AP2A2: variants seen among roughly 807,000 people sequenced by gnomAD.
The protein encoded by AP2A2 is adaptor related protein complex 2 subunit alpha 2.
A neutral mutation model predicts 104.2 loss-of-function variants in AP2A2; 32 were observed. That is an observed-to-expected ratio of 0.31 (90% CI 0.23 to 0.41). The LOEUF (loss-of-function observed/expected upper bound fraction) is 0.41. AP2A2 is among the 10% of genes least tolerant of loss of function. The pLI, the probability that AP2A2 is intolerant of heterozygous loss-of-function variation, is 1.00. For missense variants in AP2A2, 912 were observed against 1,261.0 expected, an observed-to-expected ratio of 0.72 and a Z score of 4.19; for synonymous variants, 539 against 533.3, an observed-to-expected ratio of 1.01 and a Z score of -0.15.
At chr11:965,968 G>T (rs148033496) in intron 2 of AP2A2, among the ~76,000 whole-genome samples, 3 of 152,180 alleles carry the variant, frequency 2.0e-5, no homozygotes, top group Non-Finnish European at 4.4e-5. Context: ...CACCTCCCGA[G>T]TGGCTAGGGC....
At chr11:927,182 C>T (rs1012761090) in intron 1 of AP2A2, among the ~76,000 whole-genome samples, 3 of 152,082 alleles carry the variant, frequency 2.0e-5, no homozygotes, top group South Asian at 4.2e-4. Context: ...CCTCAGCCTC[C>T]GGAGTCACTG....
chr11:954,170 G>A (rs528757894), intron 1 of AP2A2, among the ~76,000 whole-genome samples: 1 of 152,254 alleles, frequency 6.6e-6, no homozygotes, highest in Admixed American at 6.5e-5. Flanking sequence ...AGGTTGTACG[G>A]CCGTTGGTGG....
chr11:967,460 C>T (rs1007867336), intron 2 of AP2A2, among the ~76,000 whole-genome samples: 5 of 152,048 alleles, frequency 3.3e-5, no homozygotes, highest in Non-Finnish European at 5.9e-5. Flanking sequence ...CTCCCGGGTT[C>T]ATGCCATTCT....
Position 977,108 on chromosome 11 carries a change from AG to A in AP2A2, c.488del (p.Ser163ThrfsTer2). ...KVLVAGDTMDSVKQSAALCLL... is the reference protein window; with the variant it reads ...KVLVAGDTMDXVKQSAALCLL... Reference sequence around the variant, plus strand: ...TCTGTCTTTCAGAGACACTATGGACAGCGTGAAGCAGAGCGCGGCCCTGTGC... The same window carrying A: ...TCTGTCTTTCAGAGACACTATGGACACGTGAAGCAGAGCGCGGCCCTGTGC... On this transcript the variant is annotated frameshift_variant, in exon 5 of 22. Coordinates refer to ENST00000448903, the MANE Select transcript of AP2A2 (RefSeq NM_012305.4). LOFTEE classifies it high-confidence loss of function. 1 of 1,613,756 alleles carries A rather than the reference AG, an allele frequency of 6.2e-7. No individual in the cohort carries two copies. Among genetic ancestry groups the A allele is most frequent in the Non-Finnish European group, 8.5e-7 (1 of 1,179,830 alleles).
chr11:965,545 T>G (rs903655604), intron 2 of AP2A2, among the ~76,000 whole-genome samples: 4 of 152,224 alleles, frequency 2.6e-5, no homozygotes, highest in Non-Finnish European at 1.5e-5. Flanking sequence ...GTCCCAACTT[T>G]GGCTTTAAGG....
Position 987,028 on chromosome 11 carries a change from C to G in AP2A2, c.1131+75C>G. On this transcript the variant is annotated intron_variant, in intron 9 of 21. Transcript: ENST00000448903. ...GGTCTTCCTGTGAAGGCTGGGGGTACGCAGTGCCTCCTGACTCCCCGCAGA... is the reference window on the plus strand; with the variant it reads ...GGTCTTCCTGTGAAGGCTGGGGGTAGGCAGTGCCTCCTGACTCCCCGCAGA... 6.7e-6 allele frequency: 10 copies of G among 1,482,728 alleles called. No homozygotes were observed. The South Asian group carries it at 1.3e-4, about 19-fold the overall frequency. 91.8% of individuals were successfully genotyped at this position (1,482,728 alleles called of 1,614,324 possible).
In AP2A2 at chr11:993,806, C is replaced by G. The variant is rs1338318947; in HGVS notation, c.1603C>G (p.Pro535Ala). The G allele has an allele frequency of 1.2e-6, 2 of 1,607,268 alleles. No individual in the cohort carries two copies. The highest frequency in any genetic ancestry group is 4.5e-5 in the East Asian group (2 of 44,802). Reference sequence around the variant, plus strand: ...CTCCAAGTTCCACCTGTGCAGCGTCCCCACCCGCGCGCTGCTCCTGTCCAC... The same window carrying G: ...CTCCAAGTTCCACCTGTGCAGCGTCGCCACCCGCGCGCTGCTCCTGTCCAC... ...LHSKFHLCSV[P>A]TRALLLSTYI... The change falls in exon 13 of 22, where the codon CCC becomes GCC. Residue 535 changes from proline (P) to alanine (A), a missense_variant. Coordinates refer to ENST00000448903, the MANE Select transcript of AP2A2 (RefSeq NM_012305.4). The surrounding 1 kb of genome is among the most constrained non-coding windows in gnomAD (Gnocchi z 8.2).
At chr11:939,247 C>CA (rs546835879) in intron 1 of AP2A2, among the ~76,000 whole-genome samples, 736 of 50,844 alleles carry the variant, frequency 0.014, 6 homozygotes, top group East Asian at 0.068. Flanking sequence ...GACTCTGTCT[C>CA]AAAAAAAAAA....
At chr11:936,582 C>T (rs1232337030) in intron 1 of AP2A2, among the ~76,000 whole-genome samples, 6 of 151,932 alleles carry the variant, frequency 3.9e-5, no homozygotes, top group Admixed American at 3.3e-4. Flanking sequence ...GAAATGGGGT[C>T]TTGCTTTGTA....
rs769453109 is a variant in AP2A2 at position 1,008,158 on chromosome 11, G to A, written c.2420+23G>A. 12 of 1,578,420 alleles carry A rather than the reference G, an allele frequency of 7.6e-6. No individual in the cohort carries two copies. In the Admixed American group the frequency reaches 1.4e-4, roughly 18 times the overall value. ...CAGGTAAGAGCCGCCTGTGCGCCCC[G>A]GGCCAAGGGGTGTGTGGGCGCCTGA... On this transcript the variant is annotated intron_variant, in intron 18 of 21. Coordinates refer to ENST00000448903, the MANE Select transcript of AP2A2 (RefSeq NM_012305.4).
At chr11:1,002,238 T>G (rs1220576060) in intron 15 of AP2A2, among the ~76,000 whole-genome samples, 1 of 152,250 alleles carries the variant, frequency 6.6e-6, no homozygotes, top group Non-Finnish European at 1.5e-5. Context: ...CCGTGGCCCC[T>G]CGCGTGGAGT....
chr11:1,004,808 A>T (rs1245964877), intron 16 of AP2A2, among the ~76,000 whole-genome samples: 4 of 152,176 alleles, frequency 2.6e-5, no homozygotes, highest in Non-Finnish European at 5.9e-5. Flanking sequence ...TGCATACATC[A>T]TTATTTATGT....
At chr11:1,005,593 C>G (rs1856177012) in intron 16 of AP2A2, among the ~76,000 whole-genome samples, 1 of 152,208 alleles carries the variant, frequency 6.6e-6, no homozygotes, top group East Asian at 1.9e-4. Context: ...GGCTGCGGAC[C>G]TGCCTCCTCT....
intron 16 of AP2A2, among the ~76,000 whole-genome samples, chr11:1,005,362 TG>T (rs1316180275): frequency 6.6e-6 from 1 of 152,202 alleles, no homozygotes. Flanking sequence ...TGGTGTTTAA[TG>T]GGGACAGAGT....
In AP2A2 at chr11:975,578, G is replaced by A. The variant is rs1027289588; in HGVS notation, c.474-1517G>A. Among the ~76,000 whole-genome samples, 3 of 151,204 alleles carry A rather than the reference G, an allele frequency of 2.0e-5. No individual in the cohort carries two copies. The South Asian group carries it at 6.3e-4, about 32-fold the overall frequency. On this transcript the variant is annotated intron_variant, in intron 4 of 21. Transcript: ENST00000448903. ...GGTCTCCCTCGTGTGAGCCGACGTC[G>A]GAGAGTAGCGGTGGGGTCCTCGGTC... is the stretch of plus-strand genomic sequence containing the variant.
Position 1,008,381 on chromosome 11 carries a change from T to C in AP2A2, c.2420+246T>C, listed in dbSNP as rs1856282712. ...TCCCACATGGGGCCTTGCTAGGATC[T>C]TTCTGGGCACCATGGGGCCCACCTC... On this transcript the variant is annotated intron_variant, in intron 18 of 21. Transcript: ENST00000448903. 1.2e-5 allele frequency: 6 copies of C among 508,260 alleles called. No homozygotes were observed. The South Asian group carries it at 1.9e-4, about 16-fold the overall frequency. 31.5% of individuals were successfully genotyped at this position (508,260 alleles called of 1,614,324 possible).
In AP2A2 at chr11:984,693, G is replaced by A. The variant is rs1855388821; in HGVS notation, c.754G>A (p.Val252Ile). 6.2e-7 allele frequency: 1 copy of A among 1,613,508 alleles called. No homozygotes were observed. The highest frequency in any genetic ancestry group is 1.3e-5 in the African/African-American group (1 of 74,924). The change falls in exon 7 of 22, where the codon GTC becomes ATC. Residue 252 changes from valine to isoleucine, a missense_variant. Val to Ile is a conservative substitution (Grantham distance 29). Coordinates refer to ENST00000448903, the MANE Select transcript of AP2A2 (RefSeq NM_012305.4). ...TCTCCAGGATTACACTTACTATTTTGTCCCGGCTCCCTGGCTGTCTGTCAA... is the reference window on the plus strand; with the variant it reads ...TCTCCAGGATTACACTTACTATTTTATCCCGGCTCCCTGGCTGTCTGTCAA... ...TDLQDYTYYF[V>I]PAPWLSVKLL...
intron 1 of AP2A2, among the ~76,000 whole-genome samples, chr11:954,432 TTA>T (rs1854161636): frequency 6.6e-6 from 1 of 151,928 alleles, no homozygotes; most frequent in Non-Finnish European, 1.5e-5. Flanking sequence ...GTATTTGTGT[TTA>T]TGTGTATGTA....
intron 2 of AP2A2, among the ~76,000 whole-genome samples, chr11:964,673 T>C (rs200704079): frequency 6.6e-6 from 1 of 151,276 alleles, no homozygotes; most frequent in Non-Finnish European, 1.5e-5. Flanking sequence ...TAAAATGTTG[T>C]GAACAACAAC....
Sources: allele counts gnomAD v4.1 joint callset (sites outside exome capture counted in the v4.1 genomes callset), GRCh38; gene constraint gnomAD v4.1.1; non-coding constraint Gnocchi (gnomAD v3.1); transcripts MANE v1.5; gene names NCBI Gene and HGNC (gene_info 2026-07-23, HGNC 2026-07-21).